The following SPTLC3 variants were observed in gnomAD, a reference collection of about 807,000 sequenced individuals.
The protein encoded by SPTLC3 is serine palmitoyltransferase long chain base subunit 3.
A neutral mutation model predicts 59.3 loss-of-function variants in SPTLC3; 36 were observed. The observed-to-expected ratio is 0.61, with a 90% CI of 0.47 to 0.80. The LOEUF (loss-of-function observed/expected upper bound fraction) is 0.80, where lower values mean the gene tolerates loss of function less well. Ranked by LOEUF, SPTLC3 falls within the 30% of genes least tolerant of loss-of-function variation. The pLI is 0.00. For synonymous variants in SPTLC3, 257 were observed against 240.8 expected (o/e 1.07, Z -0.62); for missense variants, 625 against 685.1 (o/e 0.91, Z 0.98).
chr20:13,140,746 T>C (rs1305953763), intron 9 of SPTLC3, among the ~76,000 whole-genome samples: 2 of 152,226 alleles, frequency 1.3e-5, no homozygotes. Context: ...TATTAATTTT[T>C]GAATTTCAAT....
intron 8 of SPTLC3, among the ~76,000 whole-genome samples, chr20:13,118,370 A>G (rs1479485687): frequency 6.9e-6 from 1 of 145,158 alleles, no homozygotes; most frequent in East Asian, 2.2e-4. Context: ...TGCCTTAAAA[A>G]TTCTGATCTG....
chr20:13,115,138 T>C (rs1990462402), intron 7 of SPTLC3, among the ~76,000 whole-genome samples: 1 of 152,236 alleles, frequency 6.6e-6, no homozygotes, highest in South Asian at 2.1e-4. Flanking sequence ...TTTTTGGCAC[T>C]GTTTTTTGAC....
At chr20:13,111,784 C>T (rs1183712508) in intron 7 of SPTLC3, among the ~76,000 whole-genome samples, 1 of 152,200 alleles carries the variant, frequency 6.6e-6, no homozygotes, top group Non-Finnish European at 1.5e-5. Flanking sequence ...CAAAACCCAA[C>T]TGCAAATAAA....
chr20:13,057,388 CCTTTT>C (rs2122524477), intron 2 of SPTLC3, among the ~76,000 whole-genome samples: 1 of 152,270 alleles, frequency 6.6e-6, no homozygotes, highest in South Asian at 2.1e-4. Flanking sequence ...ACTCTTCTTT[CCTTTT>C]CTTAATCAAA....
intron 2 of SPTLC3, among the ~76,000 whole-genome samples, chr20:13,053,283 C>T (rs1987574639): frequency 6.6e-6 from 1 of 152,136 alleles, no homozygotes; most frequent in Non-Finnish European, 1.5e-5. Flanking sequence ...CAAACTCCAG[C>T]AGACCTGCAG....
At chr20:13,057,242 C>T in intron 2 of SPTLC3, among the ~76,000 whole-genome samples, 1 of 152,112 alleles carries the variant, frequency 6.6e-6, no homozygotes, top group Admixed American at 6.5e-5. Flanking sequence ...GAATACACTG[C>T]CCCACATGAC....
intron 3 of SPTLC3, among the ~76,000 whole-genome samples, chr20:13,073,377 C>G (rs1988517730): frequency 6.6e-6 from 1 of 152,048 alleles, no homozygotes; most frequent in Non-Finnish European, 1.5e-5. Context: ...CTTCAAATTA[C>G]AAGGTTTTCT....
At chr20:13,012,353 T>C (rs1985298814) in intron 1 of SPTLC3, among the ~76,000 whole-genome samples, 1 of 152,246 alleles carries the variant, frequency 6.6e-6, no homozygotes, top group South Asian at 2.1e-4. Flanking sequence ...GTATAGGTTA[T>C]GAGCCCTAAC....
At chr20:13,024,323 A>G (rs2122401428) in intron 1 of SPTLC3, among the ~76,000 whole-genome samples, 1 of 152,300 alleles carries the variant, frequency 6.6e-6, no homozygotes, top group African/African-American at 2.4e-5. Context: ...AACCTTATAT[A>G]ATTCTAAATA....
At chr20:13,031,938 G>A (rs1193265934) in intron 1 of SPTLC3, among the ~76,000 whole-genome samples, 1 of 152,106 alleles carries the variant, frequency 6.6e-6, no homozygotes, top group Non-Finnish European at 1.5e-5. Flanking sequence ...GTTGCTTAAT[G>A]TCCTTGTGTC....
chr20:13,031,795 T>A (rs1417270613), intron 1 of SPTLC3, among the ~76,000 whole-genome samples: 1 of 152,196 alleles, frequency 6.6e-6, no homozygotes, highest in African/African-American at 2.4e-5. Context: ...GGGTACTCTA[T>A]TTCTGAAATA....
At chr20:13,107,129 G>A (rs1989949221) in intron 6 of SPTLC3, among the ~76,000 whole-genome samples, 1 of 152,168 alleles carries the variant, frequency 6.6e-6, no homozygotes, top group Admixed American at 6.5e-5. Context: ...ATGGGTTCCA[G>A]ACCCCAGGGA....
intron 2 of SPTLC3, among the ~76,000 whole-genome samples, chr20:13,064,262 TTTCC>T (rs34944842): frequency 0.46 from 58,895 of 127,506 alleles, 12,446 homozygotes; most frequent in Middle Eastern, 0.58. Flanking sequence ...TTTTTTTCTT[TTTCC>T]TTTTCTTTTT....
intron 10 of SPTLC3, among the ~76,000 whole-genome samples, chr20:13,157,161 G>A (rs1267311336): frequency 6.6e-6 from 1 of 152,012 alleles, no homozygotes. Context: ...TCTAAAGCCG[G>A]GTACGGTAGC....
chr20:13,024,013 T>C (rs568353699), intron 1 of SPTLC3, among the ~76,000 whole-genome samples: 1 of 152,168 alleles, frequency 6.6e-6, no homozygotes, highest in Non-Finnish European at 1.5e-5. Context: ...TTCCTATGAA[T>C]GACCCATATA....
chr20:13,069,235 CTGAAGTCACTG>C (rs1988348421), intron 2 of SPTLC3, among the ~76,000 whole-genome samples: 1 of 152,132 alleles, frequency 6.6e-6, no homozygotes, highest in African/African-American at 2.4e-5. Flanking sequence ...CGAAATCACT[CTGAAGTCACTG>C]TCTAGGGGAG....
chr20:13,042,987 A>G (rs1987059405), intron 1 of SPTLC3, among the ~76,000 whole-genome samples: 1 of 152,212 alleles, frequency 6.6e-6, no homozygotes, highest in East Asian at 1.9e-4. Flanking sequence ...ATTTTTAACC[A>G]GGCTCCTATG....
intron 1 of SPTLC3, among the ~76,000 whole-genome samples, chr20:13,015,939 C>G (rs968286817): frequency 2.6e-5 from 4 of 151,860 alleles, no homozygotes; most frequent in African/African-American, 9.7e-5. Context: ...ACATAAAAAT[C>G]AAATATTTAT....
intron 11 of SPTLC3, among the ~76,000 whole-genome samples, chr20:13,160,746 T>G (rs569816451): frequency 6.6e-6 from 1 of 152,310 alleles, no homozygotes; most frequent in East Asian, 1.9e-4. Context: ...ATGTGCAAAC[T>G]TGGGGCAAAA....
Sources: gnomAD v4.1 joint callset for allele counts (sites outside exome capture counted in the v4.1 genomes callset) on GRCh38, gnomAD v4.1.1 for gene constraint, MANE v1.5 for transcripts, NCBI Gene and HGNC (gene_info 2026-07-23, HGNC 2026-07-21) for gene names.